Variants in PTPRN2 observed in about 807,000 individuals in gnomAD.
PTPRN2 encodes the protein protein tyrosine phosphatase receptor type N2.
A neutral mutation model predicts 118.8 loss-of-function variants in PTPRN2; 74 were observed. The ratio of observed to expected loss-of-function variants is 0.62; its 90% CI spans 0.52 to 0.76. PTPRN2 has a LOEUF of 0.76. Ranked by LOEUF, PTPRN2 falls within the 30% of genes least tolerant of loss-of-function variation. The pLI, the probability that PTPRN2 is intolerant of heterozygous loss-of-function variation, is 0.00. For missense variants in PTPRN2, 1,481 were observed against 1,394.4 expected (o/e 1.06, Z -0.99); for synonymous variants, 641 against 608.0 (o/e 1.05, Z -0.80).
rs1298746253 is a variant in PTPRN2, at chr7:157,560,396, G to T, written c.2902+8506C>A. Among the ~76,000 whole-genome samples, 1 of 150,692 alleles carries T rather than the reference G, an allele frequency of 6.6e-6. No homozygotes were observed. The highest frequency in any genetic ancestry group is 2.4e-5 in the African/African-American group (1 of 40,892). On this transcript the variant is annotated intron_variant, in intron 21 of 22. Coordinates refer to ENST00000389418, the MANE Select transcript of PTPRN2 (RefSeq NM_002847.5). The surrounding 1 kb of genome is among the most constrained non-coding windows in gnomAD (Gnocchi z 6.7). ...CCCCAAGACCAGCGGGTCTCATGCT[G>T]TCCACACGCTCCCACCAGGCGATCG... is the stretch of plus-strand genomic sequence containing the variant.
At chr7:158,166,473 T>C (rs1823001731) in intron 6 of PTPRN2, among the ~76,000 whole-genome samples, 3 of 106,550 alleles carry the variant, frequency 2.8e-5, no homozygotes, top group Admixed American at 2.3e-4. Flanking sequence ...CACTGGCCAC[T>C]GTGTTCACTG....
intron 12 of PTPRN2, among the ~76,000 whole-genome samples, chr7:157,816,771 G>A (rs1357032705): frequency 6.6e-6 from 1 of 152,168 alleles, no homozygotes; most frequent in African/African-American, 2.4e-5. Context: ...CCTCTGCCCT[G>A]GCGTTGAGTG....
chr7:157,858,029 G>A (rs1478846584), intron 12 of PTPRN2, among the ~76,000 whole-genome samples: 2 of 151,642 alleles, frequency 1.3e-5, no homozygotes, highest in Non-Finnish European at 2.9e-5. Flanking sequence ...GCCTTTGCTG[G>A]TTCTCTGAGT....
intron 11 of PTPRN2, among the ~76,000 whole-genome samples, chr7:158,042,275 C>T (rs1028186547): frequency 6.6e-5 from 10 of 152,164 alleles, no homozygotes; most frequent in African/African-American, 2.2e-4. Flanking sequence ...GGAGCTCATC[C>T]GACTGCCCCA....
intron 11 of PTPRN2, among the ~76,000 whole-genome samples, chr7:157,900,402 C>T (rs1355764687): frequency 6.6e-6 from 1 of 152,248 alleles, no homozygotes; most frequent in Non-Finnish European, 1.5e-5. Context: ...GTCCATTCTC[C>T]ACACTGTGCC....
rs1263679549 is a variant in PTPRN2, at chr7:157,780,029, T to C, written c.1789-97092A>G. On this transcript the variant is annotated intron_variant, in intron 12 of 22. Coordinates refer to ENST00000389418, the MANE Select transcript of PTPRN2 (RefSeq NM_002847.5). This position sits in a 1 kb window ranked among gnomAD's most constrained non-coding sequence, Gnocchi z 4.5. ...TGGAGAGTAGGATTTTACACACTTA[T>C]TGATGAACTGCTATGAGTTTTTGAT... Among the ~76,000 whole-genome samples the C allele has an allele frequency of 3.3e-5, 5 of 152,222 alleles. No individual in the cohort carries two copies. Among genetic ancestry groups the C allele is most frequent in the Non-Finnish European group, 5.9e-5 (4 of 68,034 alleles).
At chr7:157,889,426 G>C (rs543924799) in intron 12 of PTPRN2, among the ~76,000 whole-genome samples, 2 of 152,072 alleles carry the variant, frequency 1.3e-5, no homozygotes, top group African/African-American at 4.8e-5. Flanking sequence ...TTATGGTTTC[G>C]ACCCAACAAC....
At chr7:158,394,627 G>A (rs1275983205) in intron 2 of PTPRN2, among the ~76,000 whole-genome samples, 1 of 152,238 alleles carries the variant, frequency 6.6e-6, no homozygotes, top group East Asian at 1.9e-4. Context: ...AAAGTGTCAA[G>A]GCACAAAACT....
chr7:157,659,336 G>GA (rs1243870559), intron 13 of PTPRN2, among the ~76,000 whole-genome samples: 1 of 96,720 alleles, frequency 1.0e-5, no homozygotes, highest in Non-Finnish European at 2.1e-5. Context: ...ACTGGGGGGG[G>GA]ACGACTGCGG....
At chr7:158,489,647 C>CAGCGGCGGGGCTCACCAGGCT (rs1356894264) in intron 2 of PTPRN2, 88 bp downstream of exon 2, 1 of 1,380,832 alleles carries the variant, frequency 7.2e-7, no homozygotes, top group African/African-American at 1.5e-5. Context: ...AGCTCCAGGC[C>CAGCGGCGGGGCTCACCAGGCT]AGCGGCGGGG....
At chr7:158,141,799 A>C (rs75686753) in intron 6 of PTPRN2, among the ~76,000 whole-genome samples, 9,659 of 152,226 alleles carry the variant, frequency 0.063, 311 homozygotes, top group South Asian at 0.11. Context: ...TCTGATGTAA[A>C]GGCCTGAACG....
intron 11 of PTPRN2, among the ~76,000 whole-genome samples, chr7:158,067,187 C>T (rs1269114794): frequency 4.6e-5 from 7 of 152,218 alleles, no homozygotes; most frequent in Admixed American, 1.3e-4. Context: ...CTTATTTCCA[C>T]GTATGTGATA....
chr7:157,967,908 C>T (rs1048960234), intron 11 of PTPRN2, among the ~76,000 whole-genome samples: 85 of 152,184 alleles, frequency 5.6e-4, no homozygotes, highest in African/African-American at 1.8e-3. Context: ...ATCTCATGCA[C>T]GGTTCTCTTT....
intron 1 of PTPRN2, among the ~76,000 whole-genome samples, chr7:158,573,746 A>G (rs549707057): frequency 1.3e-5 from 2 of 152,348 alleles, no homozygotes; most frequent in South Asian, 4.1e-4. Flanking sequence ...ATATTGACAT[A>G]TGCCCACTCT....
intron 2 of PTPRN2, among the ~76,000 whole-genome samples, chr7:158,332,732 C>A (rs1296174369): frequency 6.6e-5 from 10 of 151,442 alleles, no homozygotes; most frequent in African/African-American, 2.2e-4. Flanking sequence ...CCCACACTCT[C>A]ACCATAAGAG....
At chr7:157,971,615 C>T (rs1272445252) in intron 11 of PTPRN2, among the ~76,000 whole-genome samples, 1 of 152,020 alleles carries the variant, frequency 6.6e-6, no homozygotes, top group Non-Finnish European at 1.5e-5. Context: ...AAACTGCCAC[C>T]CTGTTTTACG....
intron 11 of PTPRN2, among the ~76,000 whole-genome samples, chr7:157,988,516 C>T (rs966463788): frequency 5.9e-5 from 9 of 152,166 alleles, no homozygotes; most frequent in South Asian, 2.1e-4. Flanking sequence ...AACGCATTCC[C>T]GGGCAGGTGT....
chr7:157,559,849 C>T (rs936665939), intron 21 of PTPRN2, among the ~76,000 whole-genome samples: 20 of 152,188 alleles, frequency 1.3e-4, no homozygotes, highest in African/African-American at 4.8e-4. Flanking sequence ...CGTCTCTCTC[C>T]TGTGTTCTCT....
At chr7:158,282,178 C>CT (rs5888743) in intron 3 of PTPRN2, among the ~76,000 whole-genome samples, 98,852 of 142,022 alleles carry the variant, frequency 0.7, 34,511 homozygotes, top group East Asian at 0.8. Flanking sequence ...GTGGCTCTGC[C>CT]TTTTTTTTTT....
Sources: gnomAD v4.1 joint callset for allele counts (sites outside exome capture counted in the v4.1 genomes callset) on GRCh38, gnomAD v4.1.1 for gene constraint, Gnocchi (gnomAD v3.1) non-coding constraint, MANE v1.5 for transcripts, NCBI Gene and HGNC (gene_info 2026-07-23, HGNC 2026-07-21) for gene names.